The following ZNF273 variants were observed in gnomAD, a reference collection of about 807,000 sequenced individuals.
ZNF273 encodes zinc finger protein 273.
ZNF273 carries 11 observed loss-of-function variants against 14.9 expected under a neutral mutation model. The ratio of observed to expected loss-of-function variants is 0.74; its 90% CI spans 0.46 to 1.22. The LOEUF (loss-of-function observed/expected upper bound fraction) is 1.22. Among genes scored for constraint, ZNF273 ranks in the 50% most tolerant of loss-of-function variants. The pLI is 0.00. For missense variants in ZNF273, 577 were observed against 660.6 expected (o/e 0.87, Z 1.39); for synonymous variants, 199 against 223.9 (o/e 0.89, Z 0.99).
At chr7:64,900,278 C>T (rs1197392681), upstream of ZNF273, among the ~76,000 whole-genome samples, 1 of 152,072 alleles carries the variant, frequency 6.6e-6, no homozygotes, top group Non-Finnish European at 1.5e-5. Context: ...AGCCTTGTGC[C>T]ACCATGCCGG....
At chr7:64,901,152 G>A (rs913004932), upstream of ZNF273, among the ~76,000 whole-genome samples, 3 of 151,910 alleles carry the variant, frequency 2.0e-5, no homozygotes, top group South Asian at 2.1e-4. Context: ...ACAAGCGCAC[G>A]CCATCACACC....
downstream of ZNF273, among the ~76,000 whole-genome samples, chr7:64,893,123 AT>A (rs968305121): frequency 2.9e-5 from 4 of 138,488 alleles, no homozygotes; most frequent in East Asian, 2.1e-4. Context: ...AAAAAAAAAA[AT>A]TTGTCTTCCT....
At chr7:64,912,390 T>C (rs1423559519) in intron 1 of ZNF273, among the ~76,000 whole-genome samples, 1 of 152,242 alleles carries the variant, frequency 6.6e-6, no homozygotes, top group Non-Finnish European at 1.5e-5. Flanking sequence ...CTGTGGGGTG[T>C]TGTTTTCTTC....
chr7:64,884,554 C>G (rs1444164777), downstream of ZNF273, among the ~76,000 whole-genome samples: 1 of 152,136 alleles, frequency 6.6e-6, no homozygotes, highest in Non-Finnish European at 1.5e-5. Flanking sequence ...CTGCCTTACC[C>G]AGACAGCCGC....
chr7:64,889,939 A>AT (rs34204099), downstream of ZNF273: 74,848 of 177,478 alleles, frequency 0.42, 16,335 homozygotes, highest in African/African-American at 0.46. This position sits in a 1 kb window ranked among gnomAD's most constrained non-coding sequence, Gnocchi z 4.2. Flanking sequence ...TGGTGAGGCC[A>AT]CCTCTGCAAT....
chr7:64,881,266 A>G (rs1346119344), downstream of ZNF273, among the ~76,000 whole-genome samples: 1 of 152,106 alleles, frequency 6.6e-6, no homozygotes, highest in East Asian at 1.9e-4. Context: ...TGGCCGGCAC[A>G]CCAGCCTCCT....
intron 3 of ZNF273, 24 bp downstream of exon 3, chr7:64,918,316 T>C: frequency 6.5e-7 from 1 of 1,529,212 alleles, no homozygotes; most frequent in South Asian, 1.1e-5. Flanking sequence ...ATAGCGAATA[T>C]AACAGATGAC....
At chr7:64,882,098 A>AG (rs1407196018), downstream of ZNF273, among the ~76,000 whole-genome samples, 1 of 152,092 alleles carries the variant, frequency 6.6e-6, no homozygotes, top group Admixed American at 6.5e-5. Flanking sequence ...CCCGGGATGA[A>AG]GGGAGGCCGT....
At chr7:64,883,216 C>CCCG (rs1023992480), downstream of ZNF273, among the ~76,000 whole-genome samples, 1 of 138,878 alleles carries the variant, frequency 7.2e-6, no homozygotes, top group Non-Finnish European at 1.6e-5. Flanking sequence ...AAATCACCAC[C>CCCG]CCCCCCTCAC....
At chr7:64,926,306 C>G (rs1443097998) in intron 3 of ZNF273, among the ~76,000 whole-genome samples, 1 of 152,036 alleles carries the variant, frequency 6.6e-6, no homozygotes, top group Non-Finnish European at 1.5e-5. Context: ...TTGCCTGTGA[C>G]TGTTGAAATC....
chr7:64,925,692 C>A (rs1042845829), intron 3 of ZNF273, among the ~76,000 whole-genome samples: 1 of 152,030 alleles, frequency 6.6e-6, no homozygotes, highest in South Asian at 2.1e-4. Flanking sequence ...CCCGCCTTGG[C>A]CTCCCAAAGT....
chr7:64,890,215 T>TGAGAGAGAGAGAGAGAGAGAGAGAGA (rs1439544789), downstream of ZNF273: 1 of 18,110 alleles, frequency 5.5e-5, no homozygotes, highest in Non-Finnish European at 2.1e-4. Flanking sequence ...TGTGTGTGTG[T>TGAGAGAGAGAGAGAGAGAGAGAGAGA]GTGTGTGAGA....
rs933724491 is a variant in ZNF273 at position 64,930,316 on chromosome 7, T to C, written c.*1278T>C. 6.6e-6 allele frequency: 1 copy of C among 152,202 alleles called. No homozygotes were observed. The highest frequency in any genetic ancestry group is 1.5e-5 in the Non-Finnish European group (1 of 68,030). 9.4% of individuals were successfully genotyped at this position (152,202 alleles called of 1,614,324 possible). ...GAACATTAAAATGAAAGATGCATGA[T>C]GAAAATCTAAGTAGAGAGGCTCTTG... On this transcript the variant is annotated 3_prime_UTR_variant, in exon 4 of 4. Transcript: ENST00000476120.
chr7:64,902,411 G>C (rs868175792), upstream of ZNF273, among the ~76,000 whole-genome samples: 10 of 152,198 alleles, frequency 6.6e-5, no homozygotes, highest in Non-Finnish European at 1.3e-4. Context: ...TCAAATATCT[G>C]AGACAGATCT....
downstream of ZNF273, among the ~76,000 whole-genome samples, chr7:64,881,645 C>T (rs1365731680): frequency 6.6e-6 from 1 of 152,154 alleles, no homozygotes; most frequent in Admixed American, 6.5e-5. Flanking sequence ...GGGACTTCCT[C>T]TCACCCCAGA....
intron 3 of ZNF273, among the ~76,000 whole-genome samples, chr7:64,925,442 G>A (rs1359952737): frequency 7.3e-6 from 1 of 136,124 alleles, no homozygotes; most frequent in East Asian, 2.2e-4. Context: ...TTTTTTGTTT[G>A]TTTTTGTTTT....
At position 64,929,217 on chromosome 7, in the gene ZNF273, C is replaced by T. The variant is rs185835293; in HGVS notation, c.*179C>T. On this transcript the variant is annotated 3_prime_UTR_variant, in exon 4 of 4. Coordinates refer to ENST00000476120, the MANE Select transcript of ZNF273 (RefSeq NM_021148.3). The stretch of plus-strand genomic sequence containing the variant: ...TCATTAATATCTGCTCATATCTTAA[C>T]ATCAGCGAGTTGGTATTTAATAAAA... The T allele has an allele frequency of 4.9e-6, 1 of 204,450 alleles. No homozygotes were observed. Among genetic ancestry groups the T allele is most frequent in the African/African-American group, 3.0e-5 (1 of 33,240 alleles). The allele number at this position is 204,450 out of a possible 1,614,324, so 12.7% of individuals were successfully genotyped here. A position where few individuals can be genotyped will look rare whatever the true frequency, so the allele number is the denominator to read the frequency against.
At position 64,916,759 on chromosome 7, in the gene ZNF273, A is replaced by G. The variant is rs192427164; in HGVS notation, c.103-822A>G. ...CTGGTTCAGTTGATGTTAATGATTC[A>G]CTTGGTATACCTATGTAACAGAACA... On this transcript the variant is annotated intron_variant, in intron 1 of 3. Transcript: ENST00000476120. Among the ~76,000 whole-genome samples the G allele has an allele frequency of 3.7e-3, 569 of 152,204 alleles. 4 individuals carry two copies. The highest frequency in any genetic ancestry group is 3.5e-3 in the Non-Finnish European group (235 of 68,010).
intron 2 of ZNF273, 51 bp downstream of exon 2, chr7:64,917,758 A>G (rs760624942): frequency 2.7e-6 from 4 of 1,503,012 alleles, no homozygotes; most frequent in Non-Finnish European, 3.6e-6. Flanking sequence ...TCCTTTCTGT[A>G]GAATGTTTTT....
Sources: gnomAD v4.1 joint callset for allele counts (sites outside exome capture counted in the v4.1 genomes callset) on GRCh38, gnomAD v4.1.1 for gene constraint, Gnocchi (gnomAD v3.1) non-coding constraint, MANE v1.5 for transcripts, NCBI Gene and HGNC (gene_info 2026-07-23, HGNC 2026-07-21) for gene names.